NKAIN2: variants seen among roughly 807,000 people sequenced by gnomAD.
NKAIN2 encodes sodium/potassium transporting ATPase interacting 2.
Under a neutral mutation model 32.6 loss-of-function variants are expected in NKAIN2, and 14 were observed. The observed-to-expected ratio is 0.43, with a 90% CI of 0.28 to 0.67. The LOEUF (loss-of-function observed/expected upper bound fraction) is 0.67. Among genes scored for constraint, NKAIN2 ranks in the 30% least tolerant of loss-of-function variants. NKAIN2 has a pLI of 0.17. For synonymous variants in NKAIN2, 80 were observed against 87.2 expected, an observed-to-expected ratio of 0.92 and a Z score of 0.46; for missense variants, 198 against 258.3, an observed-to-expected ratio of 0.77 and a Z score of 1.60.
intron 1 of NKAIN2, among the ~76,000 whole-genome samples, chr6:123,871,868 T>A (rs1772907761): frequency 6.6e-6 from 1 of 152,198 alleles, no homozygotes; most frequent in African/African-American, 2.4e-5. Flanking sequence ...AGTTTATTTC[T>A]TTGAATATGA....
chr6:124,367,028 C>T (rs1017520927), intron 3 of NKAIN2, among the ~76,000 whole-genome samples: 13 of 151,846 alleles, frequency 8.6e-5, no homozygotes, highest in Admixed American at 6.6e-5. Flanking sequence ...TATTGTAATA[C>T]ATATGTACAT....
intron 1 of NKAIN2, among the ~76,000 whole-genome samples, chr6:123,869,224 T>A (rs79705971): frequency 0.013 from 1,943 of 152,318 alleles, 40 homozygotes; most frequent in African/African-American, 0.045. Context: ...CCACACTTAT[T>A]CTTTCCTAGA....
At chr6:124,624,369 C>CCAT (rs1783223023) in intron 3 of NKAIN2, among the ~76,000 whole-genome samples, 1 of 152,208 alleles carries the variant, frequency 6.6e-6, no homozygotes, top group East Asian at 1.9e-4. Context: ...TTGGGAACCT[C>CCAT]CATCAGGTTC....
At chr6:124,735,022 A>C (rs1440837434) in intron 4 of NKAIN2, among the ~76,000 whole-genome samples, 1 of 151,928 alleles carries the variant, frequency 6.6e-6, no homozygotes, top group Non-Finnish European at 1.5e-5. Flanking sequence ...TATAGTACAG[A>C]TTTTAATGGT....
intron 1 of NKAIN2, among the ~76,000 whole-genome samples, chr6:123,895,230 CACAT>C (rs1311808005): frequency 1.3e-5 from 2 of 151,896 alleles, no homozygotes; most frequent in African/African-American, 4.8e-5. Context: ...AACACACACA[CACAT>C]ACACACAGCA....
At chr6:124,440,326 C>T (rs1471875551) in intron 3 of NKAIN2, among the ~76,000 whole-genome samples, 2 of 151,978 alleles carry the variant, frequency 1.3e-5, no homozygotes, top group Non-Finnish European at 2.9e-5. Flanking sequence ...GCATAAGTTG[C>T]AAGAAAAAGT....
intron 5 of NKAIN2, among the ~76,000 whole-genome samples, chr6:124,815,869 C>T (rs1418928405): frequency 6.6e-6 from 1 of 152,128 alleles, no homozygotes; most frequent in Non-Finnish European, 1.5e-5. Flanking sequence ...CCATATGTCT[C>T]ATCCAGGACT....
At chr6:124,535,992 G>A (rs1377277384) in intron 3 of NKAIN2, among the ~76,000 whole-genome samples, 5 of 152,196 alleles carry the variant, frequency 3.3e-5, no homozygotes, top group Non-Finnish European at 5.9e-5. Flanking sequence ...TGCTGCCGAT[G>A]GGCAGCTAGC....
At chr6:124,638,751 C>T (rs1201395968) in intron 3 of NKAIN2, among the ~76,000 whole-genome samples, 3 of 151,734 alleles carry the variant, frequency 2.0e-5, no homozygotes, top group Middle Eastern at 3.4e-3. Context: ...AAAAGCCAGA[C>T]GTGGTAGTGG....
intron 1 of NKAIN2, among the ~76,000 whole-genome samples, chr6:123,993,265 A>T (rs1468436381): frequency 1.3e-5 from 2 of 152,158 alleles, no homozygotes; most frequent in Non-Finnish European, 2.9e-5. Flanking sequence ...TTTCATTATA[A>T]TTAGTAAGTG....
At chr6:123,925,909 T>C (rs901821322) in intron 1 of NKAIN2, among the ~76,000 whole-genome samples, 1 of 152,218 alleles carries the variant, frequency 6.6e-6, no homozygotes. Context: ...CATAAATGAA[T>C]TTAATATAAT....
chr6:124,545,105 T>C (rs1562248378), intron 3 of NKAIN2, among the ~76,000 whole-genome samples: 1 of 152,192 alleles, frequency 6.6e-6, no homozygotes, highest in Non-Finnish European at 1.5e-5. Context: ...TATTCAAATT[T>C]TACCTCAACT....
chr6:123,838,557 G>T (rs1051078643), intron 1 of NKAIN2, among the ~76,000 whole-genome samples: 1 of 152,148 alleles, frequency 6.6e-6, no homozygotes, highest in African/African-American at 2.4e-5. Context: ...GAAAAAAAGT[G>T]ATACTGTAAA....
At chr6:124,755,673 A>G (rs1222985868) in intron 4 of NKAIN2, among the ~76,000 whole-genome samples, 1 of 152,156 alleles carries the variant, frequency 6.6e-6, no homozygotes, top group Non-Finnish European at 1.5e-5. Flanking sequence ...GAACACATGG[A>G]CACACAGAGG....
chr6:124,684,077 T>C (rs1393350632), intron 4 of NKAIN2, among the ~76,000 whole-genome samples: 1 of 152,194 alleles, frequency 6.6e-6, no homozygotes, highest in Non-Finnish European at 1.5e-5. Flanking sequence ...AGATTTTTTC[T>C]TAGTGATATA....
intron 3 of NKAIN2, among the ~76,000 whole-genome samples, chr6:124,394,456 G>GAGATAGATAGATAGATAGAT (rs59551274): frequency 3.8e-4 from 54 of 143,688 alleles, no homozygotes; most frequent in Admixed American, 1.1e-3. Flanking sequence ...GAATCAATAT[G>GAGATAGATAGATAGATAGAT]AGATAGATAG....
intron 1 of NKAIN2, among the ~76,000 whole-genome samples, chr6:124,076,909 T>C (rs1275710945): frequency 6.6e-6 from 1 of 152,202 alleles, no homozygotes; most frequent in Non-Finnish European, 1.5e-5. Flanking sequence ...TGGGCAATTA[T>C]AAACACTGTC....
intron 2 of NKAIN2, among the ~76,000 whole-genome samples, chr6:124,333,403 C>T (rs1797742060): frequency 1.3e-5 from 2 of 152,042 alleles, no homozygotes; most frequent in Non-Finnish European, 1.5e-5. Context: ...TGTCTCATGC[C>T]TGTAATCACA....
In NKAIN2 at chr6:124,148,298, T is replaced by C. The variant is rs1246731908; in HGVS notation, c.55-134707T>C. The stretch of plus-strand genomic sequence containing the variant: ...ATCAATTCTTTTTAACTTATAGAAT[T>C]TGGTGGTTTTTTTAGTATATTTACA... On this transcript the variant is annotated intron_variant, in intron 1 of 6. Transcript: ENST00000368417. 3.9e-5 allele frequency among the ~76,000 whole-genome samples: 2 copies of C among 51,502 alleles called. 1 individual carries two copies. Among genetic ancestry groups the C allele is most frequent in the African/African-American group, 9.9e-5 (2 of 20,116 alleles). The allele number at this position is 51,502 out of a possible 152,430, so 33.8% of individuals were successfully genotyped here. A position where few individuals can be genotyped will look rare whatever the true frequency, so the allele number is the denominator to read the frequency against.
Sources: gnomAD v4.1 joint callset for allele counts (sites outside exome capture counted in the v4.1 genomes callset) on GRCh38, gnomAD v4.1.1 for gene constraint, MANE v1.5 for transcripts, NCBI Gene and HGNC (gene_info 2026-07-23, HGNC 2026-07-21) for gene names.